Variants in PTK2 observed in about 807,000 individuals in gnomAD.
The protein encoded by PTK2 is focal adhesion kinase 1.
In PTK2, 45 loss-of-function variants were observed where a neutral mutation model predicts 150.1. That is an observed-to-expected ratio of 0.30 (90% CI 0.24 to 0.38). The LOEUF (loss-of-function observed/expected upper bound fraction) is 0.38. Among genes scored for constraint, PTK2 ranks in the 10% least tolerant of loss-of-function variants. The pLI is 1.00. For missense variants in PTK2, 919 were observed against 1,307.3 expected (o/e 0.70, Z 4.58); for synonymous variants, 432 against 449.2 (o/e 0.96, Z 0.48).
chr8:140,779,095 T>G (rs1226407183), intron 14 of PTK2, among the ~76,000 whole-genome samples: 1 of 151,584 alleles, frequency 6.6e-6, no homozygotes, highest in Non-Finnish European at 1.5e-5. Flanking sequence ...ACCCCGTCGC[T>G]ACTAAAAATA....
At chr8:140,932,387 G>C (rs928138238) in intron 1 of PTK2, among the ~76,000 whole-genome samples, 1 of 151,806 alleles carries the variant, frequency 6.6e-6, no homozygotes, top group Non-Finnish European at 1.5e-5. Flanking sequence ...GTTTATTTTT[G>C]TATTTTTTAG....
At chr8:140,950,264 G>A (rs868093266) in intron 1 of PTK2, among the ~76,000 whole-genome samples, 1 of 152,222 alleles carries the variant, frequency 6.6e-6, no homozygotes, top group Non-Finnish European at 1.5e-5. Flanking sequence ...TGTGAGCAAC[G>A]AGCAGAGGAG....
intron 1 of PTK2, among the ~76,000 whole-genome samples, chr8:140,960,848 C>T (rs948709607): frequency 2.0e-5 from 3 of 152,078 alleles, no homozygotes; most frequent in Non-Finnish European, 2.9e-5. Flanking sequence ...GGCGTGGTGG[C>T]GCATGCCTGT....
chr8:140,962,238 A>G (rs1349038793), intron 1 of PTK2, among the ~76,000 whole-genome samples: 1 of 142,562 alleles, frequency 7.0e-6, no homozygotes, highest in East Asian at 2.2e-4. Flanking sequence ...AAAAAAAGGA[A>G]GGAAGAAAGG....
intron 5 of PTK2, among the ~76,000 whole-genome samples, chr8:140,849,361 C>T (rs899224542): frequency 2.6e-5 from 4 of 152,198 alleles, no homozygotes; most frequent in South Asian, 2.1e-4. Context: ...AGCCACTGGG[C>T]ACGGCCACAT....
At chr8:140,784,803 ATC>A (rs1292670009) in intron 14 of PTK2, among the ~76,000 whole-genome samples, 1 of 152,326 alleles carries the variant, frequency 6.6e-6, no homozygotes, top group South Asian at 2.1e-4. Flanking sequence ...ATTTTTATAA[ATC>A]TCTGTTAATC....
intron 1 of PTK2, among the ~76,000 whole-genome samples, chr8:140,929,123 G>A (rs1025327674): frequency 5.3e-5 from 8 of 149,636 alleles, no homozygotes; most frequent in South Asian, 2.1e-4. Flanking sequence ...CCGCCACTAC[G>A]CCCGGCTAAT....
At chr8:140,673,354 C>T (rs377256829) in intron 29 of PTK2, among the ~76,000 whole-genome samples, 9 of 152,056 alleles carry the variant, frequency 5.9e-5, no homozygotes, top group East Asian at 3.9e-4. Flanking sequence ...GTGATCCGCC[C>T]GTCTTGGCCT....
At chr8:141,001,239 C>CCGGCGG (rs559713729), upstream of PTK2, 1,137 of 148,314 alleles carry the variant, frequency 7.7e-3, 11 homozygotes, top group African/African-American at 0.023. Context: ...TGGTCCGGGA[C>CCGGCGG]CGGCGGCGGC....
At chr8:140,722,743 C>T (rs1259319640) in intron 22 of PTK2, among the ~76,000 whole-genome samples, 1 of 152,148 alleles carries the variant, frequency 6.6e-6, no homozygotes, top group Non-Finnish European at 1.5e-5. Flanking sequence ...ATAAACACCA[C>T]ACCCTCAGTC....
intron 1 of PTK2, among the ~76,000 whole-genome samples, chr8:140,985,890 G>A (rs1210873898): frequency 1.3e-5 from 2 of 150,804 alleles, no homozygotes; most frequent in Non-Finnish European, 3.0e-5. Context: ...ACCTAAATCA[G>A]TCTAAGAATC....
intron 2 of PTK2, chr8:140,892,662 A>G (rs2100154633): frequency 4.8e-6 from 2 of 414,890 alleles, no homozygotes; most frequent in South Asian, 3.5e-5. Flanking sequence ...ATAACAGCAC[A>G]GTAAAAGGAA....
At chr8:140,756,496 A>C (rs1249315929) in intron 16 of PTK2, among the ~76,000 whole-genome samples, 2 of 151,242 alleles carry the variant, frequency 1.3e-5, no homozygotes, top group East Asian at 3.9e-4. Context: ...TCAGGGGTTC[A>C]AGACCAGCCT....
intron 1 of PTK2, among the ~76,000 whole-genome samples, chr8:140,978,477 A>C (rs1214936291): frequency 6.6e-6 from 1 of 152,278 alleles, no homozygotes; most frequent in Non-Finnish European, 1.5e-5. Context: ...TCTCAAAAGA[A>C]GACATTTATG....
chr8:140,866,981 A>G (rs1047035473), intron 4 of PTK2, among the ~76,000 whole-genome samples: 1 of 152,214 alleles, frequency 6.6e-6, no homozygotes. Context: ...TTATATGCAG[A>G]GAAAAAGTGT....
At chr8:140,661,675 G>A (rs2080207804) in intron 31 of PTK2, among the ~76,000 whole-genome samples, 1 of 152,116 alleles carries the variant, frequency 6.6e-6, no homozygotes, top group Non-Finnish European at 1.5e-5. Flanking sequence ...AGGGTGGCAG[G>A]GAACAAAAGC....
chr8:140,669,878 GC>G, intron 29 of PTK2, 143 bp from the exon 33 acceptor site: 1 of 917,460 alleles, frequency 1.1e-6, no homozygotes, highest in Non-Finnish European at 1.7e-6. Context: ...TTCCAAGCCT[GC>G]CCACCAGCTC....
intron 2 of PTK2, among the ~76,000 whole-genome samples, chr8:140,920,116 T>C (rs921421080): frequency 5.9e-5 from 9 of 151,422 alleles, no homozygotes; most frequent in African/African-American, 2.2e-4. Context: ...AAAAAATATT[T>C]ATTATATTCT....
intron 10 of PTK2, among the ~76,000 whole-genome samples, chr8:140,806,592 C>T (rs2154600766): frequency 6.6e-6 from 1 of 152,182 alleles, no homozygotes; most frequent in African/African-American, 2.4e-5. Context: ...GTTTTTCTGC[C>T]TCACTCTGGC....
Sources: allele counts gnomAD v4.1 joint callset (sites outside exome capture counted in the v4.1 genomes callset), GRCh38; gene constraint gnomAD v4.1.1; transcripts MANE v1.5; gene names NCBI Gene and HGNC (gene_info 2026-07-23, HGNC 2026-07-21).